Variants in GPM6A observed in about 807,000 individuals in gnomAD.
GPM6A encodes the protein neuronal membrane glycoprotein M6-a.
A neutral mutation model predicts 32.1 loss-of-function variants in GPM6A; 7 were observed. The observed-to-expected ratio is 0.22, with a 90% CI of 0.12 to 0.41. The LOEUF (loss-of-function observed/expected upper bound fraction) is 0.41. Ranked by LOEUF, GPM6A falls within the 10% of genes least tolerant of loss-of-function variation. The pLI is 1.00. For missense variants in GPM6A, 235 were observed against 347.2 expected, an observed-to-expected ratio of 0.68 and a Z score of 2.57; for synonymous variants, 130 against 123.4, an observed-to-expected ratio of 1.05 and a Z score of -0.35.
chr4:175,892,445 T>A (rs1182572836), intron 1 of GPM6A, among the ~76,000 whole-genome samples: 2 of 152,214 alleles, frequency 1.3e-5, no homozygotes, highest in African/African-American at 4.8e-5. Context: ...ATTTCATGAA[T>A]TCGTAAGCAG....
chr4:175,899,938 A>T (rs1428549172), intron 1 of GPM6A, among the ~76,000 whole-genome samples: 1 of 152,130 alleles, frequency 6.6e-6, no homozygotes, highest in East Asian at 1.9e-4. Context: ...AGAAAACCCA[A>T]AGAATGGGAG....
chr4:175,853,127 T>A (rs899097980), intron 1 of GPM6A, among the ~76,000 whole-genome samples: 8 of 152,102 alleles, frequency 5.3e-5, no homozygotes, highest in African/African-American at 1.7e-4. Context: ...CCTCATTTTT[T>A]CTCCTATTAT....
chr4:175,826,950 C>T (rs1735458477), intron 1 of GPM6A, among the ~76,000 whole-genome samples: 1 of 152,156 alleles, frequency 6.6e-6, no homozygotes, highest in Non-Finnish European at 1.5e-5. Flanking sequence ...TTTTTATCTA[C>T]TTCCTCAAAT....
At chr4:175,845,744 G>T (rs190078187) in intron 1 of GPM6A, among the ~76,000 whole-genome samples, 2 of 152,082 alleles carry the variant, frequency 1.3e-5, no homozygotes, top group Admixed American at 1.3e-4. Context: ...ATTACAATCA[G>T]ATACCAATTA....
chr4:175,772,216 G>GT (rs1293541559), intron 1 of GPM6A, among the ~76,000 whole-genome samples: 1 of 152,152 alleles, frequency 6.6e-6, no homozygotes, highest in African/African-American at 2.4e-5. Flanking sequence ...TTTATTATCA[G>GT]TAATTTCAAA....
intron 2 of GPM6A, among the ~76,000 whole-genome samples, chr4:175,691,621 G>T (rs1431940182): frequency 6.6e-6 from 1 of 152,052 alleles, no homozygotes; most frequent in African/African-American, 2.4e-5. Flanking sequence ...GACACATTCT[G>T]TCACTTGAAG....
chr4:175,781,139 A>C (rs1733598617), intron 1 of GPM6A: 1 of 152,148 alleles, frequency 6.6e-6, no homozygotes. Flanking sequence ...ATAAAAAAAA[A>C]ATAGAACAAA....
intron 1 of GPM6A, among the ~76,000 whole-genome samples, chr4:175,879,736 C>T (rs1222736872): frequency 6.6e-6 from 1 of 152,106 alleles, no homozygotes; most frequent in Non-Finnish European, 1.5e-5. Flanking sequence ...TGGCCTTCTT[C>T]CCTCCACTAA....
intron 3 of GPM6A, among the ~76,000 whole-genome samples, chr4:175,663,306 G>T (rs79490212): frequency 6.6e-6 from 1 of 152,182 alleles, no homozygotes; most frequent in Non-Finnish European, 1.5e-5. Context: ...TTCTCAGTAG[G>T]TGAATGGATA....
intron 1 of GPM6A, among the ~76,000 whole-genome samples, chr4:175,763,778 T>C (rs1017109238): frequency 6.6e-6 from 1 of 152,174 alleles, no homozygotes; most frequent in Non-Finnish European, 1.5e-5. Flanking sequence ...AATAACATAA[T>C]TTAATTTAAA....
intron 1 of GPM6A, among the ~76,000 whole-genome samples, chr4:175,781,497 T>G (rs1183703374): frequency 6.6e-6 from 1 of 152,198 alleles, no homozygotes; most frequent in African/African-American, 2.4e-5. Flanking sequence ...GAACTTCTAC[T>G]TCACAGCACC....
intron 1 of GPM6A, among the ~76,000 whole-genome samples, chr4:175,904,654 T>C (rs1192923594): frequency 6.6e-6 from 1 of 152,138 alleles, no homozygotes; most frequent in Non-Finnish European, 1.5e-5. Flanking sequence ...AACGTGAAGG[T>C]ATAGTATCTT....
intron 1 of GPM6A, among the ~76,000 whole-genome samples, chr4:175,743,202 AG>A (rs77657486): frequency 0.053 from 8,055 of 151,474 alleles, 370 homozygotes; most frequent in East Asian, 0.27. Flanking sequence ...TAAAAAAAAA[AG>A]TATGTGGTTC....
intron 1 of GPM6A, among the ~76,000 whole-genome samples, chr4:175,991,447 T>C (rs536541971): frequency 6.6e-6 from 1 of 152,158 alleles, no homozygotes; most frequent in South Asian, 2.1e-4. Flanking sequence ...AACATATATC[T>C]CAAGTACATC....
chr4:175,739,581 A>AT (rs1191171054), intron 1 of GPM6A, among the ~76,000 whole-genome samples: 1 of 152,174 alleles, frequency 6.6e-6, no homozygotes, highest in Non-Finnish European at 1.5e-5. Flanking sequence ...AAATGCAAAG[A>AT]TTGGTAGAAT....
intron 3 of GPM6A, among the ~76,000 whole-genome samples, chr4:175,671,620 G>T (rs965978618): frequency 2.0e-5 from 3 of 152,024 alleles, no homozygotes; most frequent in Non-Finnish European, 2.9e-5. Flanking sequence ...TGAGGTGGGG[G>T]TGTGGAGGAA....
Position 175,820,502 on chromosome 4 carries a change from T to TTC in GPM6A, c.-22-8254_-22-8253insGA, listed in dbSNP as rs1273709142. ...AGGTTTTCTTTTTTCTTTTCTTTCT[T>TTC]TTTTTTTTTTTTTTTTGAGATGGAG... On this transcript the variant is annotated intron_variant, in intron 1 of 7. Transcript: ENST00000280187. 2.5e-5 allele frequency among the ~76,000 whole-genome samples: 3 copies of TTC among 122,060 alleles called. 1 individual carries two copies. The highest frequency in any genetic ancestry group is 4.7e-4 in the South Asian group (2 of 4,288). The allele number at this position is 122,060 out of a possible 152,430, so 80.1% of individuals were successfully genotyped here.
chr4:175,837,926 C>T (rs1735817909), intron 1 of GPM6A, among the ~76,000 whole-genome samples: 1 of 151,980 alleles, frequency 6.6e-6, no homozygotes, highest in Admixed American at 6.6e-5. Context: ...GCTATCCAAC[C>T]TATGACCAAA....
chr4:175,663,843 G>T (rs1040776489), intron 3 of GPM6A, among the ~76,000 whole-genome samples: 1 of 151,684 alleles, frequency 6.6e-6, no homozygotes, highest in Non-Finnish European at 1.5e-5. Flanking sequence ...ACAGGCGCCC[G>T]CCACTACGCC....
Sources: gnomAD v4.1 joint callset for allele counts (sites outside exome capture counted in the v4.1 genomes callset) on GRCh38, gnomAD v4.1.1 for gene constraint, MANE v1.5 for transcripts, NCBI Gene and HGNC (gene_info 2026-07-23, HGNC 2026-07-21) for gene names.